Variants in OSBPL8 observed in about 807,000 individuals in gnomAD.
The protein encoded by OSBPL8 is oxysterol-binding protein-related protein 8.
OSBPL8 carries 59 observed loss-of-function variants against 125.5 expected under a neutral mutation model. That is an observed-to-expected ratio of 0.47 (90% confidence interval 0.38 to 0.58). OSBPL8 has a LOEUF of 0.58. OSBPL8 is among the 20% of genes least tolerant of loss of function. The pLI, the probability that OSBPL8 is intolerant of heterozygous loss-of-function variation, is 0.00. For missense variants in OSBPL8, 758 were observed against 1,047.8 expected, an observed-to-expected ratio of 0.72 and a Z score of 3.82; for synonymous variants, 330 against 338.9, an observed-to-expected ratio of 0.97 and a Z score of 0.29.
chr12:76,446,562 G>T lies in OSBPL8; in HGVS notation c.217+4289C>A, dbSNP rs574278249. Among the ~76,000 whole-genome samples, 36 of 152,072 alleles carry T rather than the reference G, an allele frequency of 2.4e-4. 1 individual carries two copies. The South Asian group carries it at 4.2e-3, about 18-fold the overall frequency. ...CTTTAAATTAGAGGGTTATATATGG[G>T]CCATCCATACTAAAAGAAGTTCTAA... On this transcript the variant is annotated intron_variant, in intron 4 of 23. Coordinates refer to ENST00000261183, the MANE Select transcript of OSBPL8 (RefSeq NM_020841.5).
At chr12:76,428,511 T>C (rs1396788090) in intron 4 of OSBPL8, among the ~76,000 whole-genome samples, 1 of 152,082 alleles carries the variant, frequency 6.6e-6, no homozygotes, top group Non-Finnish European at 1.5e-5. Context: ...TAAAAAAACA[T>C]TGAATTACAT....
intron 20 of OSBPL8, 47 bp from the exon 21 acceptor site, chr12:76,369,348 A>G (rs1461568588): frequency 6.4e-7 from 1 of 1,557,912 alleles, no homozygotes; most frequent in Non-Finnish European, 8.6e-7. Context: ...TGACTAAACA[A>G]AGAACTTTAA....
chr12:76,457,838 T>C (rs907933308), intron 3 of OSBPL8, among the ~76,000 whole-genome samples: 13 of 152,216 alleles, frequency 8.5e-5, no homozygotes, highest in Admixed American at 6.5e-4. Flanking sequence ...AAAATGCTAT[T>C]CTATTTATAA....
In OSBPL8 at chr12:76,550,598, C is replaced by CA. The variant is rs553738978; in HGVS notation, c.-68+8798dup. On this transcript the variant is annotated intron_variant, in intron 1 of 23. Transcript: ENST00000261183. Reference sequence around the variant, plus strand: ...ACAATAGCTGATGAGCTTTAAAAAACAAAAAAATCTCCTTATGTTTTAAGA... The same window carrying CA: ...ACAATAGCTGATGAGCTTTAAAAAACAAAAAAAATCTCCTTATGTTTTAAGA... Among the ~76,000 whole-genome samples the CA allele has an allele frequency of 2.6e-5, 4 of 152,124 alleles. No individual in the cohort carries two copies. In the South Asian group the frequency reaches 6.2e-4, roughly 24 times the overall value.
chr12:76,541,905 C>T (rs1455977156), intron 1 of OSBPL8, among the ~76,000 whole-genome samples: 1 of 152,068 alleles, frequency 6.6e-6, no homozygotes, highest in Non-Finnish European at 1.5e-5. Flanking sequence ...GGTGCAGTGG[C>T]TCACGCCTGC....
chr12:76,444,531 C>G (rs947148026), intron 4 of OSBPL8, among the ~76,000 whole-genome samples: 1 of 152,166 alleles, frequency 6.6e-6, no homozygotes, highest in African/African-American at 2.4e-5. Context: ...TACAGTCTCA[C>G]TGGGAAACAG....
intron 1 of OSBPL8, among the ~76,000 whole-genome samples, chr12:76,532,313 T>C (rs1233042527): frequency 6.6e-6 from 1 of 152,006 alleles, no homozygotes; most frequent in Non-Finnish European, 1.5e-5. Flanking sequence ...CTATAAATTA[T>C]CTATTTTAAG....
intron 2 of OSBPL8, among the ~76,000 whole-genome samples, chr12:76,478,360 AC>A (rs1236338477): frequency 6.6e-6 from 1 of 152,168 alleles, no homozygotes; most frequent in Non-Finnish European, 1.5e-5. Flanking sequence ...AATAATTTTT[AC>A]CCCTCACAGA....
intron 15 of OSBPL8, among the ~76,000 whole-genome samples, chr12:76,381,738 T>C (rs1953063165): frequency 6.6e-6 from 1 of 152,048 alleles, no homozygotes; most frequent in Admixed American, 6.6e-5. Flanking sequence ...TTCTTTTTTT[T>C]TTTTTCCTTT....
intron 2 of OSBPL8, among the ~76,000 whole-genome samples, chr12:76,470,744 C>T (rs74103472): frequency 3.5e-4 from 54 of 152,278 alleles, no homozygotes; most frequent in Middle Eastern, 3.4e-3. Flanking sequence ...AACATGGAAA[C>T]GTCAACCCCC....
chr12:76,405,635 G>T (rs1166107819), intron 5 of OSBPL8, among the ~76,000 whole-genome samples: 1 of 152,178 alleles, frequency 6.6e-6, no homozygotes, highest in Non-Finnish European at 1.5e-5. Flanking sequence ...GCCATAACGT[G>T]CAGTCTAGTT....
intron 2 of OSBPL8, among the ~76,000 whole-genome samples, chr12:76,461,776 C>G (rs1008346211): frequency 3.9e-5 from 6 of 152,076 alleles, no homozygotes; most frequent in Non-Finnish European, 8.8e-5. Flanking sequence ...ATGCCCAATC[C>G]CCACTATCCT....
At chr12:76,513,590 G>C (rs1454635272) in intron 1 of OSBPL8, among the ~76,000 whole-genome samples, 1 of 152,028 alleles carries the variant, frequency 6.6e-6, no homozygotes, top group African/African-American at 2.4e-5. Flanking sequence ...GAACTTGCTT[G>C]ATAAATCTGG....
At position 76,392,596 on chromosome 12, in the gene OSBPL8, C is replaced by G. The variant is rs1390380892; in HGVS notation, c.914G>C (p.Ser305Thr). 1.4e-5 allele frequency: 22 copies of G among 1,612,082 alleles called. No homozygotes were observed. Among genetic ancestry groups the G allele is most frequent in the Non-Finnish European group, 1.9e-5 (22 of 1,178,518 alleles). Residue 305 changes from serine (S) to threonine (T), a missense_variant, in exon 10 of 24, where the codon AGT becomes ACT. By Grantham distance (58) the Ser-to-Thr change is moderately conservative (BLOSUM62 1). Coordinates refer to ENST00000261183, the MANE Select transcript of OSBPL8 (RefSeq NM_020841.5). ...ATCTACTTACTGGAAGTTATCACCA[C>G]TGTGGAGATTGTTAGCACGTAGTAA... ...YGLLRANNLH[S>T]GDNFQLNDSE...
At chr12:76,458,046 C>T (rs1167027153) in intron 3 of OSBPL8, among the ~76,000 whole-genome samples, 2 of 151,672 alleles carry the variant, frequency 1.3e-5, no homozygotes, top group Non-Finnish European at 2.9e-5. Flanking sequence ...GCAGGAGGAT[C>T]GGATCGCTTG....
At chr12:76,370,212 C>G (rs1952568825) in intron 19 of OSBPL8, among the ~76,000 whole-genome samples, 1 of 152,104 alleles carries the variant, frequency 6.6e-6, no homozygotes, top group Non-Finnish European at 1.5e-5. Context: ...TCATAAAGAT[C>G]CATTAATGTA....
intron 15 of OSBPL8, among the ~76,000 whole-genome samples, chr12:76,382,738 C>A (rs1953115940): frequency 6.6e-6 from 1 of 152,118 alleles, no homozygotes; most frequent in South Asian, 2.1e-4. Context: ...CAAAAATCAG[C>A]TGGGTGTGGT....
At chr12:76,476,352 G>A (rs909842958) in intron 2 of OSBPL8, among the ~76,000 whole-genome samples, 3 of 152,008 alleles carry the variant, frequency 2.0e-5, no homozygotes, top group Non-Finnish European at 4.4e-5. Flanking sequence ...AACAATCTTG[G>A]TGAAAGAAAA....
At chr12:76,380,800 A>C (rs1302839053) in intron 15 of OSBPL8, among the ~76,000 whole-genome samples, 1 of 152,164 alleles carries the variant, frequency 6.6e-6, no homozygotes, top group Non-Finnish European at 1.5e-5. Flanking sequence ...AAGTAATGAG[A>C]GTAAACATCC....
Sources: allele counts gnomAD v4.1 joint callset (sites outside exome capture counted in the v4.1 genomes callset), GRCh38; gene constraint gnomAD v4.1.1; transcripts MANE v1.5; gene names NCBI Gene and HGNC (gene_info 2026-07-23, HGNC 2026-07-21).